Variants in TIMM23B observed in about 807,000 individuals in gnomAD.
TIMM23B encodes the protein translocase of inner mitochondrial membrane 23 homolog B.
A neutral mutation model predicts 27.3 loss-of-function variants in TIMM23B; 27 were observed. The ratio of observed to expected loss-of-function variants is 0.99; its 90% CI spans 0.73 to 1.36. The LOEUF (loss-of-function observed/expected upper bound fraction) is 1.36, where lower values mean the gene tolerates loss of function less well. TIMM23B is among the 40% of genes most tolerant of loss of function. The pLI is 0.00. For synonymous variants in TIMM23B, 73 were observed against 92.4 expected, an observed-to-expected ratio of 0.79 and a Z score of 1.21; for missense variants, 205 against 244.2, an observed-to-expected ratio of 0.84 and a Z score of 1.07.
At chr10:49,955,928 CCT>C (rs1839704280) in intron 5 of TIMM23B, among the ~76,000 whole-genome samples, 1 of 152,136 alleles carries the variant, frequency 6.6e-6, no homozygotes, top group Non-Finnish European at 1.5e-5. Flanking sequence ...CAGAGTCACC[CCT>C]CTCTGCTTCT....
chr10:49,946,826 A>G lies in TIMM23B; in HGVS notation c.165+1736A>G, dbSNP rs1488799640. On this transcript the variant is annotated intron_variant, in intron 2 of 6. Coordinates refer to ENST00000651259, the MANE Select transcript of TIMM23B (RefSeq NM_001290117.2). ...GACAAGCTTTTATCCTAAAATTCAT[A>G]TGGAAATTCAGGGGACATAGAATGG... is the stretch of plus-strand genomic sequence containing the variant. 6.7e-5 allele frequency among the ~76,000 whole-genome samples: 10 copies of G among 149,452 alleles called. No homozygotes were observed. The East Asian group carries it at 1.9e-3, about 29-fold the overall frequency.
At chr10:49,969,806 C>T (rs1840340544) in intron 6 of TIMM23B, among the ~76,000 whole-genome samples, 1 of 152,038 alleles carries the variant, frequency 6.6e-6, no homozygotes, top group South Asian at 2.1e-4. Context: ...CGGTCTCCCT[C>T]TCCCTCTCTT....
At chr10:49,965,668 CAAAT>C (rs1406930708) in intron 6 of TIMM23B, among the ~76,000 whole-genome samples, 6 of 126,608 alleles carry the variant, frequency 4.7e-5, no homozygotes, top group South Asian at 5.4e-4. Context: ...TGAAATGAAA[CAAAT>C]GAAATGAAAT....
chr10:49,964,561 A>AGGAG (rs1554855117), intron 6 of TIMM23B, among the ~76,000 whole-genome samples: 2 of 152,116 alleles, frequency 1.3e-5, no homozygotes, highest in African/African-American at 2.4e-5. Flanking sequence ...AATGAAATGA[A>AGGAG]ATGAAATGAT....
At chr10:49,945,113 T>G (rs1221276334) in intron 2 of TIMM23B, 23 bp downstream of exon 2, 26 of 1,610,982 alleles carry the variant, frequency 1.6e-5, no homozygotes, top group Non-Finnish European at 2.0e-5. Context: ...TTTTACTAGT[T>G]TGGTGCATTA....
intron 4 of TIMM23B, among the ~76,000 whole-genome samples, 184 bp downstream of exon 4, chr10:49,952,717 A>C (rs1839576331): frequency 6.7e-6 from 1 of 149,432 alleles, no homozygotes; most frequent in Non-Finnish European, 1.5e-5. Context: ...CTAAGCTTTT[A>C]AAAAGGAGTG....
intron 1 of TIMM23B, among the ~76,000 whole-genome samples, chr10:49,943,737 GTTTTTTT>G (rs35547755): frequency 3.5e-5 from 4 of 113,630 alleles, no homozygotes; most frequent in South Asian, 2.9e-4. Context: ...GTTTTTGTGG[GTTTTTTT>G]TTTTTTTTTT....
intron 6 of TIMM23B, among the ~76,000 whole-genome samples, chr10:49,960,742 GA>G (rs1839869062): frequency 6.6e-6 from 1 of 151,922 alleles, no homozygotes; most frequent in Non-Finnish European, 1.5e-5. Context: ...AAAATTTCTA[GA>G]AAAGGGAAAG....
rs1229429192 is a variant in TIMM23B at position 49,953,372 on chromosome 10, G to A, written c.344+839G>A. 2.8e-4 allele frequency among the ~76,000 whole-genome samples: 43 copies of A among 152,294 alleles called. 1 individual carries two copies. The South Asian group carries it at 8.3e-3, about 29-fold the overall frequency. ...ATTGTGTGGTTTTTTGAGAGACAGGGCCTTGCTGTGTTGCCCGAGCTGGAG... is the reference window on the plus strand; with the variant it reads ...ATTGTGTGGTTTTTTGAGAGACAGGACCTTGCTGTGTTGCCCGAGCTGGAG... On this transcript the variant is annotated intron_variant, in intron 4 of 6. Coordinates refer to ENST00000651259, the MANE Select transcript of TIMM23B (RefSeq NM_001290117.2).
chr10:49,943,489 A>C (rs1254180116), intron 1 of TIMM23B: 20 of 152,074 alleles, frequency 1.3e-4, no homozygotes, highest in Admixed American at 3.3e-4. Flanking sequence ...TCGGCCTCCC[A>C]AAATGCTGGG....
intron 1 of TIMM23B, 131 bp downstream of exon 1, chr10:49,942,431 G>C: frequency 2.0e-6 from 3 of 1,500,366 alleles, no homozygotes; most frequent in Non-Finnish European, 2.7e-6. Context: ...TACCAGTGGT[G>C]GGGTTAGTGT....
rs1481391917 is a variant in TIMM23B at position 49,967,435 on chromosome 10, AT to A, written c.515-5571del. Reference sequence around the variant, plus strand: ...GTCTGTGCCCTGTCTTCTTGGGTCTATTTTTTAACCAGAAATTAATAAGACA... The same window carrying A: ...GTCTGTGCCCTGTCTTCTTGGGTCTATTTTTAACCAGAAATTAATAAGACA... On this transcript the variant is annotated intron_variant, in intron 6 of 6. Coordinates refer to ENST00000651259, the MANE Select transcript of TIMM23B (RefSeq NM_001290117.2). Among the ~76,000 whole-genome samples, 9 of 151,982 alleles carry A rather than the reference AT, an allele frequency of 5.9e-5. No homozygotes were observed. The South Asian group carries it at 6.2e-4, about 11-fold the overall frequency.
intron 1 of TIMM23B, among the ~76,000 whole-genome samples, chr10:49,942,760 T>G (rs1839182751): frequency 6.6e-6 from 1 of 152,238 alleles, no homozygotes; most frequent in Admixed American, 6.5e-5. Flanking sequence ...AAATATGACT[T>G]GGGACAGGCT....
At position 49,973,389 on chromosome 10, in the gene TIMM23B, C is replaced by A. The variant is rs2805107; in HGVS notation, c.*325C>A. 3.7e-3 allele frequency: 1,179 copies of A among 319,512 alleles called. 8 individuals carry two copies. Among genetic ancestry groups the A allele is most frequent in the African/African-American group, 0.017 (770 of 44,656 alleles). The allele number at this position is 319,512 out of a possible 1,614,324, so 19.8% of individuals were successfully genotyped here. A position where few individuals can be genotyped will look rare whatever the true frequency, so the allele number is the denominator to read the frequency against. ...ACAAATTTTCTTCTTAATAAAGAAT[C>A]CAGTTGCTGGGCACAATGGTTCACA... On this transcript the variant is annotated 3_prime_UTR_variant, in exon 7 of 7. Transcript: ENST00000651259.
intron 6 of TIMM23B, among the ~76,000 whole-genome samples, chr10:49,968,257 G>A (rs535018098): frequency 3.3e-5 from 5 of 152,318 alleles, no homozygotes; most frequent in South Asian, 2.1e-4. Context: ...AAAGTGTTGT[G>A]AGCTCTTACG....
rs35547755 is a variant in TIMM23B at position 49,943,737 on chromosome 10, GTTT to G, written c.107-1274_107-1272del. ...GGCAGGACTATAGTGGTTTTTGTGG[GTTT>G]TTTTTTTTTTTTTTTTTTTTGAAAA... is the stretch of plus-strand genomic sequence containing the variant. On this transcript the variant is annotated intron_variant, in intron 1 of 6. Transcript: ENST00000651259. Among the ~76,000 whole-genome samples, 233 of 113,604 alleles carry G rather than the reference GTTT, an allele frequency of 2.1e-3. 3 individuals carry two copies. The South Asian group carries it at 0.033, about 16-fold the overall frequency. The allele number at this position is 113,604 out of a possible 152,430, so 74.5% of individuals were successfully genotyped here.
At chr10:49,958,908 TCATC>T (rs1281219191) in intron 6 of TIMM23B, among the ~76,000 whole-genome samples, 2 of 152,250 alleles carry the variant, frequency 1.3e-5, no homozygotes, top group Non-Finnish European at 2.9e-5. Flanking sequence ...TCCTCAAGGT[TCATC>T]CATATTGTTG....
intron 5 of TIMM23B, among the ~76,000 whole-genome samples, chr10:49,955,581 TAGTC>T (rs1374397741): frequency 6.6e-6 from 1 of 152,234 alleles, no homozygotes; most frequent in Non-Finnish European, 1.5e-5. Context: ...TAGTAGTGCT[TAGTC>T]AGAGCCTAAT....
Position 49,942,062 on chromosome 10 carries a change from C to T in TIMM23B, c.-133C>T, listed in dbSNP as rs1190134112. 34 of 1,250,136 alleles carry T rather than the reference C, an allele frequency of 2.7e-5. No individual in the cohort carries two copies. Among genetic ancestry groups the T allele is most frequent in the East Asian group, 5.1e-5 (2 of 39,206 alleles). The allele number at this position is 1,250,136 out of a possible 1,614,324, so 77.4% of individuals were successfully genotyped here. ...CGGAAGTGTGGCGCTTAACGGGAAC[C>T]GGCGCCCGGAATGTCAGCGTGTGAA... is the stretch of plus-strand genomic sequence containing the variant. On this transcript the variant is annotated 5_prime_UTR_variant, in exon 1 of 7. Coordinates refer to ENST00000651259, the MANE Select transcript of TIMM23B (RefSeq NM_001290117.2).
Sources: gnomAD v4.1 joint callset for allele counts (sites outside exome capture counted in the v4.1 genomes callset) on GRCh38, gnomAD v4.1.1 for gene constraint, MANE v1.5 for transcripts, NCBI Gene and HGNC (gene_info 2026-07-23, HGNC 2026-07-21) for gene names.